PTPRD: variants seen among roughly 807,000 people sequenced by gnomAD.
PTPRD encodes receptor-type tyrosine-protein phosphatase delta.
A neutral mutation model predicts 214.5 loss-of-function variants in PTPRD; 34 were observed. That is an observed-to-expected ratio of 0.16 (90% CI 0.12 to 0.21). PTPRD has a LOEUF of 0.21. Ranked by LOEUF, PTPRD falls within the 10% of genes least tolerant of loss-of-function variation. PTPRD has a pLI of 1.00. For missense variants in PTPRD, 2,545 were observed against 2,398.7 expected (o/e 1.06, Z -1.27); for synonymous variants, 1,128 against 845.7 (o/e 1.33, Z -5.79).
At chr9:10,034,406 ACTTTTTTTT>A (rs1459268127) in intron 3 of PTPRD, among the ~76,000 whole-genome samples, 135 of 103,282 alleles carry the variant, frequency 1.3e-3, no homozygotes, top group African/African-American at 3.0e-3. Context: ...TCCTGGCTCT[ACTTTTTTTT>A]TTTTTTTTTT....
intron 34 of PTPRD, among the ~76,000 whole-genome samples, chr9:8,442,188 G>A (rs1277810086): frequency 6.6e-6 from 1 of 152,170 alleles, no homozygotes; most frequent in African/African-American, 2.4e-5. Flanking sequence ...TTAAAAACTG[G>A]AATGCTATTT....
chr9:10,596,214 G>A (rs554889588), intron 2 of PTPRD, among the ~76,000 whole-genome samples: 4 of 151,644 alleles, frequency 2.6e-5, no homozygotes, highest in Non-Finnish European at 4.4e-5. Context: ...AAGCTGGAAC[G>A]GAAATCAGAG....
At chr9:8,788,801 A>G (rs2096102559) in intron 11 of PTPRD, among the ~76,000 whole-genome samples, 1 of 152,164 alleles carries the variant, frequency 6.6e-6, no homozygotes, top group Admixed American at 6.6e-5. Flanking sequence ...TCATTTATCA[A>G]CCAACTGTTT....
chr9:9,326,296 A>G (rs2039865642), intron 9 of PTPRD, among the ~76,000 whole-genome samples: 1 of 152,186 alleles, frequency 6.6e-6, no homozygotes, highest in Non-Finnish European at 1.5e-5. Context: ...TGTGGATAAT[A>G]GAGAATAAGA....
chr9:10,322,805 C>G (rs905963806), intron 3 of PTPRD, among the ~76,000 whole-genome samples: 1 of 151,840 alleles, frequency 6.6e-6, no homozygotes, highest in Non-Finnish European at 1.5e-5. Context: ...ACATTTGGAC[C>G]TGGGAAAGGT....
At chr9:8,800,154 T>G (rs2096542045) in intron 11 of PTPRD, among the ~76,000 whole-genome samples, 1 of 152,102 alleles carries the variant, frequency 6.6e-6, no homozygotes, top group Admixed American at 6.5e-5. Context: ...CATATGTATG[T>G]ATGTGTGCAT....
intron 14 of PTPRD, among the ~76,000 whole-genome samples, chr9:8,626,379 AAT>A (rs1406151225): frequency 1.3e-5 from 2 of 151,822 alleles, no homozygotes; most frequent in Non-Finnish European, 2.9e-5. Context: ...CTCCTTAGCC[AAT>A]GAGTCACGTC....
intron 2 of PTPRD, among the ~76,000 whole-genome samples, chr9:10,363,401 T>C (rs2097433970): frequency 6.6e-6 from 1 of 152,216 alleles, no homozygotes; most frequent in Non-Finnish European, 1.5e-5. Context: ...AAGATTTCTT[T>C]ACACACTTCC....
intron 4 of PTPRD, among the ~76,000 whole-genome samples, chr9:9,970,619 G>T (rs540903212): frequency 6.6e-6 from 1 of 152,106 alleles, no homozygotes; most frequent in Non-Finnish European, 1.5e-5. Context: ...CAAAAGATTT[G>T]TATGGATCTG....
chr9:10,222,327 T>C (rs1240521117), intron 3 of PTPRD, among the ~76,000 whole-genome samples: 1 of 151,998 alleles, frequency 6.6e-6, no homozygotes, highest in Admixed American at 6.6e-5. Context: ...ACAATAACCA[T>C]AAATCTGTGT....
chr9:8,480,742 T>G (rs905415110), intron 30 of PTPRD, among the ~76,000 whole-genome samples: 1 of 152,180 alleles, frequency 6.6e-6, no homozygotes, highest in Non-Finnish European at 1.5e-5. Flanking sequence ...TTAATAAACA[T>G]TCAGAATGAA....
chr9:10,241,551 A>T (rs138307519), intron 3 of PTPRD, among the ~76,000 whole-genome samples: 1 of 152,066 alleles, frequency 6.6e-6, no homozygotes, highest in Non-Finnish European at 1.5e-5. Flanking sequence ...ATATAACAAC[A>T]CGGGTAATTC....
chr9:9,068,794 CAG>C (rs1318853646), intron 10 of PTPRD, among the ~76,000 whole-genome samples: 2 of 151,838 alleles, frequency 1.3e-5, no homozygotes, highest in African/African-American at 2.4e-5. Context: ...GTATTTTTAG[CAG>C]AGATGGGGTT....
chr9:9,770,083 C>A (rs1039412060), intron 5 of PTPRD, among the ~76,000 whole-genome samples: 23 of 152,132 alleles, frequency 1.5e-4, no homozygotes, highest in African/African-American at 5.1e-4. Flanking sequence ...GTGCATGTGA[C>A]TTTATAGTAG....
intron 9 of PTPRD, among the ~76,000 whole-genome samples, chr9:9,320,586 C>A (rs1382469248): frequency 6.6e-6 from 1 of 152,094 alleles, no homozygotes; most frequent in African/African-American, 2.4e-5. Context: ...GGAAAACTAC[C>A]CTTCCCATCC....
chr9:8,748,522 C>CTAAAAAA (rs2093116433), intron 11 of PTPRD, among the ~76,000 whole-genome samples: 1 of 37,880 alleles, frequency 2.6e-5, no homozygotes, highest in Non-Finnish European at 6.1e-5. Context: ...CCTGCAACTG[C>CTAAAAAA]AAAAAAAAAA....
At chr9:8,518,523 G>T in intron 20 of PTPRD, 94 bp from the exon 21 acceptor site, 1 of 890,614 alleles carries the variant, frequency 1.1e-6, no homozygotes, top group Non-Finnish European at 1.7e-6. Flanking sequence ...ACAGGATTAT[G>T]TATCTACTGA....
At chr9:10,334,192 A>G (rs1040719398) in intron 3 of PTPRD, among the ~76,000 whole-genome samples, 1 of 151,788 alleles carries the variant, frequency 6.6e-6, no homozygotes, top group Non-Finnish European at 1.5e-5. Context: ...TTAACAAAGA[A>G]GACTCTGAAA....
chr9:8,735,290 C>T (rs2089985792), intron 11 of PTPRD, among the ~76,000 whole-genome samples: 1 of 151,646 alleles, frequency 6.6e-6, no homozygotes, highest in Non-Finnish European at 1.5e-5. Flanking sequence ...ATTACAGGTG[C>T]CCACCACCAT....
Sources: gnomAD v4.1 joint callset for allele counts (sites outside exome capture counted in the v4.1 genomes callset) on GRCh38, gnomAD v4.1.1 for gene constraint, MANE v1.5 for transcripts, NCBI Gene and HGNC (gene_info 2026-07-23, HGNC 2026-07-21) for gene names.